The following SHANK2 variants were observed in gnomAD, a reference collection of about 807,000 sequenced individuals.
SHANK2 encodes SH3 and multiple ankyrin repeat domains protein 2.
In SHANK2, 43 loss-of-function variants were observed where a neutral mutation model predicts 133.7. That is an observed-to-expected ratio of 0.32 (90% confidence interval 0.25 to 0.41). The LOEUF is 0.41. Ranked by LOEUF, SHANK2 falls within the 10% of genes least tolerant of loss-of-function variation. The pLI, the probability that SHANK2 is intolerant of heterozygous loss-of-function variation, is 1.00. For missense variants in SHANK2, 1,994 were observed against 2,235.8 expected, an observed-to-expected ratio of 0.89 and a Z score of 2.18; for synonymous variants, 1,017 against 952.8, an observed-to-expected ratio of 1.07 and a Z score of -1.24.
intron 12 of SHANK2, among the ~76,000 whole-genome samples, chr11:70,819,815 C>T (rs1379335047): frequency 6.6e-6 from 1 of 152,168 alleles, no homozygotes; most frequent in African/African-American, 2.4e-5. Flanking sequence ...TACCTGAGAC[C>T]ATCCCTGCAG....
chr11:70,638,880 C>T (rs1342060260), intron 17 of SHANK2, among the ~76,000 whole-genome samples: 1 of 152,034 alleles, frequency 6.6e-6, no homozygotes, highest in Non-Finnish European at 1.5e-5. Flanking sequence ...ACCTGTAATC[C>T]CAGCTACTTG....
At chr11:71,207,144 G>T (rs1954142625) in intron 2 of SHANK2, among the ~76,000 whole-genome samples, 1 of 147,606 alleles carries the variant, frequency 6.8e-6, no homozygotes, top group Admixed American at 6.8e-5. Flanking sequence ...AAAAAAAATA[G>T]GAACATTTGG....
chr11:70,792,727 A>C (rs1362746630), intron 14 of SHANK2, among the ~76,000 whole-genome samples: 1 of 152,200 alleles, frequency 6.6e-6, no homozygotes, highest in Non-Finnish European at 1.5e-5. Context: ...ACATCTAAAA[A>C]CATTTTGTAC....
intron 2 of SHANK2, among the ~76,000 whole-genome samples, chr11:71,158,760 T>A (rs1458260766): frequency 1.3e-5 from 2 of 152,100 alleles, no homozygotes; most frequent in African/African-American, 2.4e-5. Context: ...CAAAGACAAA[T>A]AGATGGATTT....
chr11:70,549,823 T>C (rs138959027), intron 17 of SHANK2, among the ~76,000 whole-genome samples: 1 of 152,234 alleles, frequency 6.6e-6, no homozygotes, highest in African/African-American at 2.4e-5. Flanking sequence ...TTAGGCGTGA[T>C]TCTCACCATA....
chr11:70,714,821 T>A (rs1555026916), intron 14 of SHANK2, among the ~76,000 whole-genome samples: 2 of 152,122 alleles, frequency 1.3e-5, no homozygotes, highest in African/African-American at 4.8e-5. Context: ...TTCTGTCTTA[T>A]AAGAGACAGA....
chr11:70,947,256 G>T (rs1950761837), intron 10 of SHANK2, among the ~76,000 whole-genome samples: 1 of 151,342 alleles, frequency 6.6e-6, no homozygotes, highest in Admixed American at 6.6e-5. Flanking sequence ...CCAGCATTCT[G>T]GACTAAGAAC....
chr11:70,801,226 T>C lies in SHANK2; in HGVS notation c.1664-2670A>G, dbSNP rs144840633. Among the ~76,000 whole-genome samples, 899 of 152,316 alleles carry C rather than the reference T, an allele frequency of 5.9e-3. 2 individuals carry two copies. The highest frequency in any genetic ancestry group is 9.2e-3 in the Non-Finnish European group (625 of 68,032). ...TCTATGAAGTATGCACTTCAGGATG[T>C]GTTATTGTTATTACAAGACCAACCA... On this transcript the variant is annotated intron_variant, in intron 13 of 25. Transcript: ENST00000601538.
chr11:71,210,210 G>GTGTATATATATGTATATATATATATATA lies in SHANK2; in HGVS notation c.-13+14486_-13+14487insTATATATATATATATACATATATATACA, dbSNP rs1491563939. Reference sequence around the variant, plus strand: ...GGTCCTCTTCATTGGAAATCCACAGGTATATATATATATATATATATATAT... The same window carrying GTGTATATATATGTATATATATATATATA: ...GGTCCTCTTCATTGGAAATCCACAGGTGTATATATATGTATATATATATATATATATATATATATATATATATATATAT... On this transcript the variant is annotated intron_variant, in intron 2 of 25. Transcript: ENST00000601538. Among the ~76,000 whole-genome samples the GTGTATATATATGTATATATATATATATA allele has an allele frequency of 1.0e-3, 56 of 54,060 alleles. 5 individuals carry two copies. The highest frequency in any genetic ancestry group is 4.1e-3 in the Admixed American group (17 of 4,186). The allele number at this position is 54,060 out of a possible 152,430, so 35.5% of individuals were successfully genotyped here.
At chr11:70,769,678 TGCA>T (rs1246378131) in intron 14 of SHANK2, among the ~76,000 whole-genome samples, 20 of 152,368 alleles carry the variant, frequency 1.3e-4, no homozygotes, top group Non-Finnish European at 2.8e-4. Context: ...GTGAAGCATG[TGCA>T]GCATGTGTGT....
intron 2 of SHANK2, among the ~76,000 whole-genome samples, chr11:71,203,969 C>G (rs186804441): frequency 8.7e-4 from 132 of 152,342 alleles, no homozygotes; most frequent in African/African-American, 3.1e-3. Flanking sequence ...CGCCTGGTCT[C>G]TCCTGGACTC....
At chr11:71,088,176 G>A (rs1174267395) in intron 8 of SHANK2, among the ~76,000 whole-genome samples, 2 of 152,172 alleles carry the variant, frequency 1.3e-5, no homozygotes, top group Non-Finnish European at 2.9e-5. Flanking sequence ...TTCTGCCAGA[G>A]ACAAACAGGA....
chr11:71,193,377 A>G lies in SHANK2; in HGVS notation c.-13+31320T>C, dbSNP rs554628617. On this transcript the variant is annotated intron_variant, in intron 2 of 25. Transcript: ENST00000601538. ...CACATACATGTATATGTGTGCACAA[A>G]CACACCAGAGATACCTCATTTCCTG... 2.0e-5 allele frequency among the ~76,000 whole-genome samples: 3 copies of G among 152,198 alleles called. No individual in the cohort carries two copies. The East Asian group carries it at 5.8e-4, about 29-fold the overall frequency.
chr11:70,720,165 AGGGCCT>A (rs1365218519), intron 14 of SHANK2, among the ~76,000 whole-genome samples: 3 of 152,178 alleles, frequency 2.0e-5, no homozygotes, highest in Non-Finnish European at 2.9e-5. Context: ...CTGCACCCCC[AGGGCCT>A]GGTACCTGGG....
intron 3 of SHANK2, among the ~76,000 whole-genome samples, chr11:71,134,920 C>T (rs1375560120): frequency 6.6e-6 from 1 of 152,232 alleles, no homozygotes; most frequent in African/African-American, 2.4e-5. Context: ...CCAAGATTAC[C>T]CTTTTCAAAT....
chr11:70,853,485 G>A (rs1341323381), intron 11 of SHANK2, among the ~76,000 whole-genome samples: 8 of 152,164 alleles, frequency 5.3e-5, no homozygotes, highest in Non-Finnish European at 1.2e-4. Flanking sequence ...AGCCTTAAGC[G>A]TCTTTCTCAG....
intron 11 of SHANK2, among the ~76,000 whole-genome samples, chr11:70,834,288 T>G (rs1325785021): frequency 6.6e-6 from 1 of 152,148 alleles, no homozygotes; most frequent in Non-Finnish European, 1.5e-5. Context: ...GGGGAGCACC[T>G]GAGCCTATTT....
chr11:70,648,380 T>C (rs1310006117), intron 17 of SHANK2, among the ~76,000 whole-genome samples: 1 of 152,122 alleles, frequency 6.6e-6, no homozygotes, highest in Non-Finnish European at 1.5e-5. Context: ...AACAGACACA[T>C]ATAAAGAAGT....
intron 3 of SHANK2, among the ~76,000 whole-genome samples, chr11:71,142,267 G>A (rs782003131): frequency 1.3e-5 from 2 of 152,320 alleles, no homozygotes; most frequent in Admixed American, 6.5e-5. Context: ...TTGGGAGGCC[G>A]AGACGGGCAG....
Sources: gnomAD v4.1 joint callset for allele counts (sites outside exome capture counted in the v4.1 genomes callset) on GRCh38, gnomAD v4.1.1 for gene constraint, MANE v1.5 for transcripts, NCBI Gene and HGNC (gene_info 2026-07-23, HGNC 2026-07-21) for gene names.